NCOR1: variants seen among roughly 807,000 people sequenced by gnomAD.
The protein encoded by NCOR1 is nuclear receptor corepressor 1, also known as protein phosphatase 1, regulatory subunit 109.
Under a neutral mutation model 288.1 loss-of-function variants are expected in NCOR1, and 63 were observed. The observed-to-expected ratio is 0.22, with a 90% CI of 0.18 to 0.27. The LOEUF (loss-of-function observed/expected upper bound fraction) is 0.27, where lower values mean the gene tolerates loss of function less well. Ranked by LOEUF, NCOR1 falls within the 10% of genes least tolerant of loss-of-function variation. The probability of loss-of-function intolerance (pLI) is 1.00; values close to 1 mark genes in which losing one functional copy is unlikely to be tolerated. For synonymous variants in NCOR1, 1,007 were observed against 1,065.9 expected (o/e 0.94, Z 1.08); for missense variants, 2,397 against 3,019.2 (o/e 0.79, Z 4.83).
chr17:16,154,523 A>G (rs770215776), intron 6 of NCOR1, among the ~76,000 whole-genome samples: 9 of 152,206 alleles, frequency 5.9e-5, no homozygotes, highest in Non-Finnish European at 1.3e-4. Flanking sequence ...TGCTTGGCAG[A>G]AAAGACAAAA....
At chr17:16,091,685 T>C (rs2065202617) in intron 22 of NCOR1, 178 bp downstream of exon 22, 1 of 1,425,188 alleles carries the variant, frequency 7.0e-7, no homozygotes, top group Non-Finnish European at 9.2e-7. Flanking sequence ...CCTTTAGTAG[T>C]TAATAATACT....
At chr17:16,049,065 C>G in intron 40 of NCOR1, 77 bp from the exon 41 acceptor site, 1 of 1,400,774 alleles carries the variant, frequency 7.1e-7, no homozygotes. Flanking sequence ...CTTGTTAACT[C>G]ATGACTTCAT....
chr17:16,211,747 G>A (rs145314755), intron 1 of NCOR1, among the ~76,000 whole-genome samples: 1 of 151,962 alleles, frequency 6.6e-6, no homozygotes, highest in African/African-American at 2.4e-5. Context: ...AGCTACTGGG[G>A]TAGGAAAAAA....
intron 45 of NCOR1, among the ~76,000 whole-genome samples, chr17:16,033,383 A>C (rs1490928084): frequency 6.6e-6 from 1 of 151,868 alleles, no homozygotes; most frequent in Non-Finnish European, 1.5e-5. Flanking sequence ...TAACCATTTA[A>C]TCAAATAATA....
At position 16,143,220 on chromosome 17, in the gene NCOR1, C is replaced by G. The variant is rs531883070; in HGVS notation, c.1173+386G>C. Among the ~76,000 whole-genome samples, 14 of 152,338 alleles carry G rather than the reference C, an allele frequency of 9.2e-5. No individual in the cohort carries two copies. The South Asian group carries it at 2.9e-3, about 32-fold the overall frequency. ...GGCACCACCAGCTTACTCCTCTAAC[C>G]TAGAAACAAGGGAGTCACATTCTAT... is the stretch of plus-strand genomic sequence containing the variant. On this transcript the variant is annotated intron_variant, in intron 11 of 45. Transcript: ENST00000268712.
rs573734575 is a variant in NCOR1, at chr17:16,037,562, C to T, written c.6955+1871G>A. On this transcript the variant is annotated intron_variant, in intron 44 of 45. Transcript: ENST00000268712. ...TGAAATTTCTGGGACATCAAGCCTTCTTTACTGGCCTCAGAGTACAGAAAC... is the reference window on the plus strand; with the variant it reads ...TGAAATTTCTGGGACATCAAGCCTTTTTTACTGGCCTCAGAGTACAGAAAC... Among the ~76,000 whole-genome samples, 269 of 152,318 alleles carry T rather than the reference C, an allele frequency of 1.8e-3. No homozygotes were observed. In the South Asian group the frequency reaches 0.019, roughly 11 times the overall value.
In NCOR1 at chr17:16,031,289, A is replaced by T. The variant is rs2151731885; in HGVS notation, c.*1007T>A. The T allele has an allele frequency of 5.2e-6, 1 of 194,062 alleles. No individual in the cohort carries two copies. The highest frequency in any genetic ancestry group is 1.9e-4 in the South Asian group (1 of 5,194). 12.0% of individuals were successfully genotyped at this position (194,062 alleles called of 1,614,324 possible). ...TAAAGCTTATCTAAATACTACACAG[A>T]TCATTATCTTTTAACCCAACCAATC... On this transcript the variant is annotated 3_prime_UTR_variant, in exon 46 of 46. Coordinates refer to ENST00000268712, the MANE Select transcript of NCOR1 (RefSeq NM_006311.4).
intron 44 of NCOR1, among the ~76,000 whole-genome samples, chr17:16,037,794 G>A (rs1383292046): frequency 6.6e-6 from 1 of 152,200 alleles, no homozygotes. Flanking sequence ...TGTAGCTGAT[G>A]AACTCAGCAG....
At chr17:16,032,621 C>T (rs1048338070) in intron 45 of NCOR1, 138 bp from the exon 46 acceptor site, 19 of 751,060 alleles carry the variant, frequency 2.5e-5, no homozygotes, top group Admixed American at 1.3e-4. Flanking sequence ...GAATACAACA[C>T]GGAATGGCCA....
rs751936193 is a variant in NCOR1 at position 16,039,537 on chromosome 17, A to G, written c.6851T>C (p.Val2284Ala). 2 of 1,613,464 alleles carry G rather than the reference A, an allele frequency of 1.2e-6. No individual in the cohort carries two copies. Among genetic ancestry groups the G allele is most frequent in the South Asian group, 2.2e-5 (2 of 91,032 alleles). The change falls in exon 44 of 46, where the codon GTT (valine) becomes GCT (alanine). Residue 2284 changes from valine to alanine, a missense_variant. Physicochemically the swap from Val to Ala is moderately conservative, Grantham distance 64. Transcript: ENST00000268712. ...TACTCCCATAGGCTGGGACATGACAACTCCATGATCCTCAACTTTGTCATC... is the reference window on the plus strand; with the variant it reads ...TACTCCCATAGGCTGGGACATGACAGCTCCATGATCCTCAACTTTGTCATC... ...SFDDKVEDHG[V>A]VMSQPMGVVP... is the part of the protein sequence containing the mutation.
chr17:16,176,798 A>AATT (rs2084293998), intron 3 of NCOR1, among the ~76,000 whole-genome samples: 1 of 151,866 alleles, frequency 6.6e-6, no homozygotes, highest in African/African-American at 2.4e-5. Flanking sequence ...CTGAATTCCT[A>AATT]GTTCTTTTAC....
intron 41 of NCOR1, among the ~76,000 whole-genome samples, chr17:16,048,095 A>C (rs2058875897): frequency 6.6e-6 from 1 of 152,256 alleles, no homozygotes; most frequent in Non-Finnish European, 1.5e-5. Flanking sequence ...CCTTCGTTTA[A>C]AACTGGCCCT....
chr17:16,040,570 TATA>T, intron 42 of NCOR1, 76 bp from the exon 43 acceptor site: 1 of 1,190,472 alleles, frequency 8.4e-7, no homozygotes, highest in Non-Finnish European at 1.2e-6. Context: ...AAAAAATTCC[TATA>T]ATAAAATTAA....
intron 28 of NCOR1, among the ~76,000 whole-genome samples, chr17:16,072,701 A>T (rs921944487): frequency 2.6e-5 from 4 of 152,242 alleles, no homozygotes; most frequent in Admixed American, 6.5e-5. Flanking sequence ...AATATAAATC[A>T]AGGGTTAGAA....
chr17:16,095,210 C>A (rs1410856026), intron 21 of NCOR1, among the ~76,000 whole-genome samples: 1 of 149,392 alleles, frequency 6.7e-6, no homozygotes, highest in Non-Finnish European at 1.5e-5. Flanking sequence ...AGCGCCTCTA[C>A]CCCGCCGCCC....
intron 23 of NCOR1, chr17:16,084,041 T>C (rs1021118202): frequency 6.6e-6 from 1 of 151,814 alleles, no homozygotes; most frequent in African/African-American, 2.4e-5. Context: ...CATGAAAAAG[T>C]GGGGGCAAAA....
At chr17:16,071,359 A>C (rs760303389) in intron 30 of NCOR1, 50 bp downstream of exon 30, 25 of 1,569,778 alleles carry the variant, frequency 1.6e-5, no homozygotes, top group Non-Finnish European at 1.9e-5. Context: ...CACTTTTTTA[A>C]ATGTTCCATA....
intron 9 of NCOR1, among the ~76,000 whole-genome samples, chr17:16,147,825 C>CT (rs927565719): frequency 4.2e-4 from 63 of 148,952 alleles, no homozygotes; most frequent in African/African-American, 8.8e-4. Flanking sequence ...AATGCAAATT[C>CT]TTTTTTTTTT....
In NCOR1 at chr17:16,032,570, G is replaced by A. The variant is rs1032195529; in HGVS notation, c.7136-87C>T. ...ACTTTTGTAGGATGGAGTAGAATAG[G>A]ATTATTGTAAAATGGTCATGTGACA... On this transcript the variant is annotated intron_variant, in intron 45 of 45. Transcript: ENST00000268712. 4 of 1,299,492 alleles carry A rather than the reference G, an allele frequency of 3.1e-6. No homozygotes were observed. The African/African-American group carries it at 4.5e-5, about 15-fold the overall frequency. 80.5% of individuals were successfully genotyped at this position (1,299,492 alleles called of 1,614,324 possible).
Sources: gnomAD v4.1 joint callset for allele counts (sites outside exome capture counted in the v4.1 genomes callset) on GRCh38, gnomAD v4.1.1 for gene constraint, MANE v1.5 for transcripts, NCBI Gene and HGNC (gene_info 2026-07-23, HGNC 2026-07-21) for gene names.